Variants in PKN2 observed in about 807,000 individuals in gnomAD.
PKN2 encodes the protein protein kinase N2.
A neutral mutation model predicts 119.1 loss-of-function variants in PKN2; 38 were observed. That is an observed-to-expected ratio of 0.32 (90% CI 0.25 to 0.42). The LOEUF is 0.42. Among genes scored for constraint, PKN2 ranks in the 10% least tolerant of loss-of-function variants. PKN2 has a pLI of 1.00. For missense variants in PKN2, 850 were observed against 1,165.1 expected, an observed-to-expected ratio of 0.73 and a Z score of 3.94; for synonymous variants, 390 against 384.9, an observed-to-expected ratio of 1.01 and a Z score of -0.15.
chr1:88,710,524 T>C (rs1348145548), intron 1 of PKN2, among the ~76,000 whole-genome samples: 8 of 152,264 alleles, frequency 5.3e-5, no homozygotes, highest in Non-Finnish European at 1.2e-4. Context: ...GGATTTGCCA[T>C]GAATCTTGTC....
intron 1 of PKN2, among the ~76,000 whole-genome samples, chr1:88,721,394 A>C (rs76125775): frequency 6.6e-6 from 1 of 152,082 alleles, no homozygotes; most frequent in East Asian, 1.9e-4. Context: ...CAGTTAAATT[A>C]TATTGGTTAG....
intron 1 of PKN2, among the ~76,000 whole-genome samples, chr1:88,730,932 C>T (rs1668123956): frequency 1.3e-5 from 2 of 152,130 alleles, no homozygotes; most frequent in Non-Finnish European, 2.9e-5. Flanking sequence ...TCATTATTTC[C>T]ATAACACAAC....
chr1:88,792,357 C>A (rs571807612), intron 8 of PKN2, among the ~76,000 whole-genome samples: 2 of 152,236 alleles, frequency 1.3e-5, no homozygotes, highest in South Asian at 4.1e-4. Context: ...GAGCCAAGAT[C>A]GTGCCACTGG....
At position 88,804,480 on chromosome 1, in the gene PKN2, C is replaced by T; in HGVS notation, c.1371C>T (p.Asn457=). ...KFLRLEDFLD[N]QRHGMCLYLE... The stretch of plus-strand genomic sequence containing the variant: ...TGAGGTTAGAAGATTTTTTAGACAA[C>T]CAACGGCATGGCATGTGTCTCTATT... The change falls in exon 9 of 22, where the codon AAC becomes AAT. Residue 457 remains asparagine (N), a synonymous_variant. Coordinates refer to ENST00000370521, the MANE Select transcript of PKN2 (RefSeq NM_006256.4). 6.2e-7 allele frequency: 1 copy of T among 1,613,462 alleles called. No individual in the cohort carries two copies. Among genetic ancestry groups the T allele is most frequent in the East Asian group, 2.2e-5 (1 of 44,856 alleles).
intron 1 of PKN2, among the ~76,000 whole-genome samples, chr1:88,706,586 A>G (rs1001358943): frequency 6.6e-6 from 1 of 152,144 alleles, no homozygotes; most frequent in Non-Finnish European, 1.5e-5. Context: ...GCCTTACATA[A>G]TTCATGTAAG....
chr1:88,707,122 A>T (rs1386235366), intron 1 of PKN2, among the ~76,000 whole-genome samples: 1 of 152,036 alleles, frequency 6.6e-6, no homozygotes, highest in Non-Finnish European at 1.5e-5. Context: ...GAAATATTTC[A>T]AACATGTACC....
chr1:88,789,135 A>G (rs1670703680), intron 8 of PKN2, among the ~76,000 whole-genome samples: 1 of 151,996 alleles, frequency 6.6e-6, no homozygotes, highest in Admixed American at 6.5e-5. Context: ...GGAGGGAAAG[A>G]GAGTATAGAA....
At position 88,684,752 on chromosome 1, in the gene PKN2, C is replaced by A. The variant is rs935344326; in HGVS notation, c.48+124C>A. ...CCCTAGCCCGCTAAGTGCGGAAACT[C>A]CGGGATGTCACTCGGGAAATGCTTC... On this transcript the variant is annotated intron_variant, in intron 1 of 21. Transcript: ENST00000370521. 6.4e-6 allele frequency: 5 copies of A among 782,470 alleles called. No individual in the cohort carries two copies. The African/African-American group carries it at 9.2e-5, about 14-fold the overall frequency. The allele number at this position is 782,470 out of a possible 1,614,324, so 48.5% of individuals were successfully genotyped here.
At chr1:88,786,343 A>G (rs1553155392) in intron 8 of PKN2, 130 bp downstream of exon 8, 1 of 540,924 alleles carries the variant, frequency 1.8e-6, no homozygotes, top group Non-Finnish European at 3.3e-6. Context: ...TTTTTTTTAC[A>G]TTTCTTATTC....
rs564228179 is a variant in PKN2, at chr1:88,765,351, T to C, written c.504+4975T>C. On this transcript the variant is annotated intron_variant, in intron 3 of 21. Transcript: ENST00000370521. The stretch of plus-strand genomic sequence containing the variant: ...AGTAAACCAAGGTATTAATTAAAAT[T>C]TGGGGTTCTTACTAGCATCTTGCAT... Among the ~76,000 whole-genome samples the C allele has an allele frequency of 2.6e-5, 4 of 151,810 alleles. No individual in the cohort carries two copies. The East Asian group carries it at 5.8e-4, about 22-fold the overall frequency.
chr1:88,824,968 T>C (rs1672437745), intron 18 of PKN2, among the ~76,000 whole-genome samples: 1 of 152,220 alleles, frequency 6.6e-6, no homozygotes. Context: ...GAGTCTTATT[T>C]CCCCAATTAT....
intron 8 of PKN2, among the ~76,000 whole-genome samples, chr1:88,789,437 C>T (rs1375244680): frequency 3.3e-5 from 5 of 151,914 alleles, no homozygotes; most frequent in African/African-American, 9.7e-5. Context: ...CCGAGGCGGG[C>T]GGATCTCCTG....
chr1:88,733,834 C>T (rs774182156), intron 1 of PKN2, among the ~76,000 whole-genome samples: 2 of 152,100 alleles, frequency 1.3e-5, no homozygotes, highest in Non-Finnish European at 2.9e-5. Flanking sequence ...AAATTCAAAA[C>T]GTTCCAATAA....
intron 6 of PKN2, among the ~76,000 whole-genome samples, chr1:88,774,067 T>C (rs1669994788): frequency 6.6e-6 from 1 of 152,216 alleles, no homozygotes; most frequent in Non-Finnish European, 1.5e-5. Context: ...ATTACGTTTT[T>C]ATTATAAAGG....
chr1:88,684,575 A>C lies in PKN2; in HGVS notation c.-6A>C. 1 of 1,546,718 alleles carries C rather than the reference A, an allele frequency of 6.5e-7. No individual in the cohort carries two copies. The highest frequency in any genetic ancestry group is 8.7e-7 in the Non-Finnish European group (1 of 1,146,628). ...CGTCCAGGTGCGGAGTCCATACCGG[A>C]GCGCAATGGCGTCCAACCCCGAACG... On this transcript the variant is annotated 5_prime_UTR_variant, in exon 1 of 22. Transcript: ENST00000370521.
intron 19 of PKN2, among the ~76,000 whole-genome samples, chr1:88,831,091 G>A (rs975872831): frequency 4.6e-5 from 7 of 151,868 alleles, no homozygotes; most frequent in African/African-American, 1.7e-4. Context: ...TCTCAGATGG[G>A]AGTGAAGATA....
At chr1:88,776,689 A>G (rs805047) in intron 6 of PKN2, among the ~76,000 whole-genome samples, 109,578 of 151,424 alleles carry the variant, frequency 0.72, 40,869 homozygotes, top group African/African-American at 0.91. Flanking sequence ...GCAGTGAGCC[A>G]AGATCATGCC....
In PKN2 at chr1:88,834,351, G is replaced by A. The variant is rs1292339602; in HGVS notation, c.*903G>A. 6.6e-6 allele frequency: 1 copy of A among 152,412 alleles called. No homozygotes were observed. The highest frequency in any genetic ancestry group is 1.5e-5 in the Non-Finnish European group (1 of 67,934). 9.4% of individuals were successfully genotyped at this position (152,412 alleles called of 1,614,324 possible). A position where few individuals can be genotyped will look rare whatever the true frequency, so the allele number is the denominator to read the frequency against. On this transcript the variant is annotated 3_prime_UTR_variant, in exon 22 of 22. Transcript: ENST00000370521. ...AGTTCACCTTGGTTTTGTGTCTGCT[G>A]TAGAAGGGAACCATAACTTGGTTAA...
chr1:88,751,379 C>A (rs1043580511), intron 2 of PKN2, among the ~76,000 whole-genome samples: 11 of 125,500 alleles, frequency 8.8e-5, no homozygotes, highest in Admixed American at 1.4e-4. Flanking sequence ...TTTACACATA[C>A]ACACACACAC....
Sources: allele counts gnomAD v4.1 joint callset (sites outside exome capture counted in the v4.1 genomes callset), GRCh38; gene constraint gnomAD v4.1.1; transcripts MANE v1.5; gene names NCBI Gene and HGNC (gene_info 2026-07-23, HGNC 2026-07-21).